Variants in BICC1 observed in about 807,000 individuals in gnomAD.
BICC1 encodes protein bicaudal C homolog 1.
In BICC1, 43 loss-of-function variants were observed where a neutral mutation model predicts 111.0. The observed-to-expected ratio is 0.39, with a 90% confidence interval of 0.30 to 0.50. The LOEUF (loss-of-function observed/expected upper bound fraction) is 0.50, where lower values mean the gene tolerates loss of function less well. Among genes scored for constraint, BICC1 ranks in the 20% least tolerant of loss-of-function variants. BICC1 has a pLI of 0.88. For synonymous variants in BICC1, 467 were observed against 434.4 expected, an observed-to-expected ratio of 1.07 and a Z score of -0.93; for missense variants, 1,091 against 1,203.2, an observed-to-expected ratio of 0.91 and a Z score of 1.38.
chr10:58,771,770 C>T (rs914621946), intron 3 of BICC1, among the ~76,000 whole-genome samples: 1 of 152,088 alleles, frequency 6.6e-6, no homozygotes, highest in Non-Finnish European at 1.5e-5. Context: ...TGGGCACAGT[C>T]CTGGTCATGA....
At chr10:58,816,311 G>T (rs1844085981) in intron 18 of BICC1, among the ~76,000 whole-genome samples, 1 of 152,070 alleles carries the variant, frequency 6.6e-6, no homozygotes. Flanking sequence ...TGACTTTGGG[G>T]CCTCTGCTTC....
At chr10:58,681,415 T>A (rs1839516652) in intron 2 of BICC1, among the ~76,000 whole-genome samples, 1 of 152,120 alleles carries the variant, frequency 6.6e-6, no homozygotes, top group African/African-American at 2.4e-5. Flanking sequence ...AAGCTCATCA[T>A]CACTGGTCAT....
At chr10:58,597,715 GTATTAA>G (rs1844865563) in intron 1 of BICC1, among the ~76,000 whole-genome samples, 1 of 151,988 alleles carries the variant, frequency 6.6e-6, no homozygotes, top group South Asian at 2.1e-4. Context: ...CTTTCCCAGG[GTATTAA>G]TATTAATATT....
chr10:58,798,343 T>A, intron 10 of BICC1, 56 bp from the exon 11 acceptor site: 2 of 1,351,880 alleles, frequency 1.5e-6, no homozygotes, highest in East Asian at 5.1e-5. Flanking sequence ...TGGTGCCATC[T>A]CTATTTTAAA....
intron 2 of BICC1, among the ~76,000 whole-genome samples, chr10:58,658,945 C>T (rs1838751259): frequency 6.6e-6 from 1 of 152,140 alleles, no homozygotes; most frequent in Non-Finnish European, 1.5e-5. Flanking sequence ...TGGTTCTGCA[C>T]CCTCCCAGCA....
At position 58,661,337 on chromosome 10, in the gene BICC1, AT is replaced by A. The variant is rs746833683; in HGVS notation, c.237+40440del. Among the ~76,000 whole-genome samples the A allele has an allele frequency of 8.6e-5, 13 of 151,710 alleles. 1 individual carries two copies. In the East Asian group the frequency reaches 2.1e-3, roughly 25 times the overall value. ...TTTCTCTCTGGAGTTTAGAAATGGC[AT>A]TTTAAAGGCATCAGGCATCCCCTAG... On this transcript the variant is annotated intron_variant, in intron 2 of 20. Transcript: ENST00000373886.
intron 3 of BICC1, among the ~76,000 whole-genome samples, chr10:58,737,997 C>T (rs951064721): frequency 2.6e-5 from 4 of 152,144 alleles, no homozygotes; most frequent in African/African-American, 9.7e-5. Context: ...AGCCCTTTGT[C>T]AGATGAGTAG....
intron 17 of BICC1, among the ~76,000 whole-genome samples, chr10:58,811,919 A>T (rs1843919133): frequency 6.6e-6 from 1 of 152,154 alleles, no homozygotes; most frequent in South Asian, 2.1e-4. Context: ...GAGTTCCTGA[A>T]GCCGAGGTGG....
intron 2 of BICC1, among the ~76,000 whole-genome samples, chr10:58,632,865 A>G (rs1248847887): frequency 6.9e-6 from 1 of 144,894 alleles, no homozygotes; most frequent in Non-Finnish European, 1.6e-5. Flanking sequence ...ATAGATGGAT[A>G]GATAGATAGA....
chr10:58,535,688 C>T (rs1237627751), intron 1 of BICC1, among the ~76,000 whole-genome samples: 1 of 151,612 alleles, frequency 6.6e-6, no homozygotes, highest in South Asian at 2.1e-4. Flanking sequence ...AAGAAAGTAT[C>T]TAGGTAACAA....
intron 1 of BICC1, among the ~76,000 whole-genome samples, chr10:58,604,107 C>G (rs1363418030): frequency 2.0e-5 from 3 of 152,050 alleles, no homozygotes; most frequent in African/African-American, 7.2e-5. Context: ...TCTGCACTTC[C>G]AAGAAGACTT....
chr10:58,679,387 A>G (rs1308667984), intron 2 of BICC1, among the ~76,000 whole-genome samples: 2 of 152,246 alleles, frequency 1.3e-5, no homozygotes, highest in Admixed American at 6.5e-5. Context: ...ACAAACTACC[A>G]TCAGAAAATA....
intron 20 of BICC1, among the ~76,000 whole-genome samples, chr10:58,824,334 A>G (rs924255985): frequency 3.3e-5 from 5 of 152,210 alleles, no homozygotes; most frequent in Non-Finnish European, 1.5e-5. Flanking sequence ...GAAGACTTGA[A>G]TAGGGCAAAA....
At chr10:58,746,298 A>G (rs1195154839) in intron 3 of BICC1, among the ~76,000 whole-genome samples, 3 of 152,164 alleles carry the variant, frequency 2.0e-5, no homozygotes, top group Non-Finnish European at 4.4e-5. Flanking sequence ...CAATGTATTA[A>G]TATTTGTGAA....
At chr10:58,556,732 T>C (rs1305881533) in intron 1 of BICC1, among the ~76,000 whole-genome samples, 2 of 152,086 alleles carry the variant, frequency 1.3e-5, no homozygotes, top group African/African-American at 4.8e-5. Context: ...AATTACTAAG[T>C]ATGCAGTTCA....
At chr10:58,542,303 A>G (rs950063628) in intron 1 of BICC1, among the ~76,000 whole-genome samples, 2 of 152,108 alleles carry the variant, frequency 1.3e-5, no homozygotes, top group Non-Finnish European at 2.9e-5. Context: ...TCTTCAACAG[A>G]TGATGTTGGA....
At chr10:58,728,720 A>AATAATC (rs1841190958) in intron 3 of BICC1, among the ~76,000 whole-genome samples, 1 of 151,822 alleles carries the variant, frequency 6.6e-6, no homozygotes, top group Non-Finnish European at 1.5e-5. Context: ...TAATAATAAT[A>AATAATC]ATACTTGAAA....
intron 3 of BICC1, among the ~76,000 whole-genome samples, chr10:58,741,810 C>T (rs935330480): frequency 6.6e-5 from 10 of 152,062 alleles, no homozygotes; most frequent in Admixed American, 6.6e-4. Flanking sequence ...GCCTAGGAGA[C>T]GAGACGAGTC....
intron 3 of BICC1, among the ~76,000 whole-genome samples, chr10:58,764,049 G>A (rs1003701465): frequency 1.3e-5 from 2 of 152,108 alleles, no homozygotes; most frequent in Non-Finnish European, 2.9e-5. Context: ...TACAGGTACA[G>A]GTACAGTAAC....
Sources: gnomAD v4.1 joint callset for allele counts (sites outside exome capture counted in the v4.1 genomes callset) on GRCh38, gnomAD v4.1.1 for gene constraint, MANE v1.5 for transcripts, NCBI Gene and HGNC (gene_info 2026-07-23, HGNC 2026-07-21) for gene names.